EXOC4: variants seen among roughly 807,000 people sequenced by gnomAD.
EXOC4 encodes the protein SEC8-like 1.
Under a neutral mutation model 107.2 loss-of-function variants are expected in EXOC4, and 71 were observed. The ratio of observed to expected loss-of-function variants is 0.66; its 90% CI spans 0.55 to 0.81. EXOC4 has a LOEUF of 0.81. EXOC4 is among the 30% of genes least tolerant of loss of function. EXOC4 has a pLI of 0.00. For missense variants in EXOC4, 1,108 were observed against 1,189.6 expected, an observed-to-expected ratio of 0.93 and a Z score of 1.01; for synonymous variants, 456 against 441.2, an observed-to-expected ratio of 1.03 and a Z score of -0.42.
At position 133,750,548 on chromosome 7, in the gene EXOC4, T is replaced by TA. The variant is rs577153140; in HGVS notation, c.1515-66775dup. The stretch of plus-strand genomic sequence containing the variant: ...GTAGTGTGCTGCTAGAGAACGTGAG[T>TA]AACTGTTGTGTGAGGGGATTATGGA... On this transcript the variant is annotated intron_variant, in intron 10 of 17. Transcript: ENST00000253861. Among the ~76,000 whole-genome samples the TA allele has an allele frequency of 1.5e-4, 23 of 151,690 alleles. No individual in the cohort carries two copies. The East Asian group carries it at 4.3e-3, about 28-fold the overall frequency.
At chr7:133,363,051 C>A (rs931352964) in intron 6 of EXOC4, among the ~76,000 whole-genome samples, 1 of 152,016 alleles carries the variant, frequency 6.6e-6, no homozygotes, top group East Asian at 1.9e-4. Context: ...GTAGTTAATT[C>A]GAATCAAAGC....
At chr7:134,012,781 A>G (rs995632016) in intron 17 of EXOC4, among the ~76,000 whole-genome samples, 1 of 152,206 alleles carries the variant, frequency 6.6e-6, no homozygotes, top group Non-Finnish European at 1.5e-5. Context: ...TGGGTACCCC[A>G]CTGTTGAGAC....
intron 11 of EXOC4, among the ~76,000 whole-genome samples, chr7:133,880,107 C>T (rs1190981448): frequency 2.0e-5 from 3 of 152,188 alleles, no homozygotes; most frequent in African/African-American, 7.2e-5. Flanking sequence ...TCCAAACCTC[C>T]CCGTCCTCCA....
At chr7:133,787,963 T>A (rs28620409) in intron 10 of EXOC4, among the ~76,000 whole-genome samples, 11,197 of 39,802 alleles carry the variant, frequency 0.28, 2,908 homozygotes, top group East Asian at 0.41. Context: ...ATTTATATAT[T>A]TATATATATA....
At chr7:134,023,481 T>C (rs1404328355) in intron 17 of EXOC4, among the ~76,000 whole-genome samples, 1 of 152,192 alleles carries the variant, frequency 6.6e-6, no homozygotes, top group African/African-American at 2.4e-5. Flanking sequence ...ATTGAGTATT[T>C]ATTTTGTATA....
chr7:134,034,817 A>G (rs1173602583), intron 17 of EXOC4, among the ~76,000 whole-genome samples: 1 of 152,178 alleles, frequency 6.6e-6, no homozygotes, highest in Non-Finnish European at 1.5e-5. Flanking sequence ...CTGGCCAAGC[A>G]CTATTTGTGT....
At chr7:133,815,133 T>C (rs1159850516) in intron 10 of EXOC4, among the ~76,000 whole-genome samples, 1 of 151,896 alleles carries the variant, frequency 6.6e-6, no homozygotes. Flanking sequence ...CGTTAAAAAC[T>C]TTTGGGAGGC....
intron 7 of EXOC4, among the ~76,000 whole-genome samples, chr7:133,391,442 C>T (rs1796851149): frequency 6.6e-6 from 1 of 152,220 alleles, no homozygotes; most frequent in African/African-American, 2.4e-5. Context: ...CTGATCATTA[C>T]TTTCTACCCA....
chr7:133,471,569 T>G (rs1190935048), intron 7 of EXOC4, among the ~76,000 whole-genome samples: 1 of 152,220 alleles, frequency 6.6e-6, no homozygotes, highest in Non-Finnish European at 1.5e-5. Context: ...AGCCTGTGGT[T>G]AAAAATTACA....
At chr7:133,620,009 T>TGTGTGC in intron 9 of EXOC4, among the ~76,000 whole-genome samples, 1 of 148,884 alleles carries the variant, frequency 6.7e-6, no homozygotes, top group African/African-American at 2.5e-5. Context: ...TGTGTGTGTG[T>TGTGTGC]TTGTTTTTTT....
At chr7:133,658,327 A>G (rs1803351161) in intron 10 of EXOC4, among the ~76,000 whole-genome samples, 1 of 152,148 alleles carries the variant, frequency 6.6e-6, no homozygotes, top group South Asian at 2.1e-4. Flanking sequence ...ATTATAGGCC[A>G]CACGACCCTT....
rs187014601 is a variant in EXOC4, at chr7:133,278,145, G to A, written c.276+2974G>A. ...GCACAAATGGGAAACACCAGTTCCTGTCCTCAGGGAGCTTATGTGCAAATG... is the reference window on the plus strand; with the variant it reads ...GCACAAATGGGAAACACCAGTTCCTATCCTCAGGGAGCTTATGTGCAAATG... On this transcript the variant is annotated intron_variant, in intron 2 of 17. Transcript: ENST00000253861. Among the ~76,000 whole-genome samples the A allele has an allele frequency of 9.8e-4, 149 of 152,316 alleles. 1 individual carries two copies. The highest frequency in any genetic ancestry group is 3.5e-3 in the African/African-American group (145 of 41,570).
At chr7:133,857,325 G>GTA (rs71162035) in intron 11 of EXOC4, among the ~76,000 whole-genome samples, 1 of 2,594 alleles carries the variant, frequency 3.9e-4, no homozygotes, top group Non-Finnish European at 6.1e-4. Context: ...ATATATACAC[G>GTA]TATATATATA....
At chr7:133,953,326 A>G (rs1449538678) in intron 14 of EXOC4, among the ~76,000 whole-genome samples, 1 of 151,992 alleles carries the variant, frequency 6.6e-6, no homozygotes, top group Non-Finnish European at 1.5e-5. Flanking sequence ...GGCCAGGCGC[A>G]GTGGCTCATG....
chr7:133,428,622 G>A (rs1797781149), intron 7 of EXOC4, among the ~76,000 whole-genome samples: 2 of 152,194 alleles, frequency 1.3e-5, no homozygotes, highest in Admixed American at 6.5e-5. Flanking sequence ...GAAATTTGCT[G>A]TTGTAGAATT....
intron 7 of EXOC4, among the ~76,000 whole-genome samples, chr7:133,399,058 G>A (rs1797032816): frequency 6.6e-6 from 1 of 152,098 alleles, no homozygotes; most frequent in African/African-American, 2.4e-5. Flanking sequence ...AATTATGTCA[G>A]TACTATCCTC....
At chr7:133,389,933 A>G (rs1409582574) in intron 7 of EXOC4, among the ~76,000 whole-genome samples, 2 of 149,018 alleles carry the variant, frequency 1.3e-5, no homozygotes, top group Non-Finnish European at 3.0e-5. Context: ...GGAAATTCCC[A>G]TTTTTAAAAC....
intron 5 of EXOC4, among the ~76,000 whole-genome samples, chr7:133,330,733 G>A (rs1795363958): frequency 1.3e-5 from 2 of 151,956 alleles, no homozygotes; most frequent in Non-Finnish European, 2.9e-5. Context: ...GTGCTTCCTG[G>A]GTGAGGCAAC....
chr7:133,906,166 C>G (rs1275849418), intron 12 of EXOC4, among the ~76,000 whole-genome samples: 1 of 152,166 alleles, frequency 6.6e-6, no homozygotes, highest in Non-Finnish European at 1.5e-5. Context: ...TGCTAAATAG[C>G]ACAGACTAGA....
Sources: allele counts gnomAD v4.1 joint callset (sites outside exome capture counted in the v4.1 genomes callset), GRCh38; gene constraint gnomAD v4.1.1; transcripts MANE v1.5; gene names NCBI Gene and HGNC (gene_info 2026-07-23, HGNC 2026-07-21).